Variants in DYRK3 observed in about 807,000 individuals in gnomAD.
DYRK3 encodes dual specificity tyrosine phosphorylation regulated kinase 3.
In DYRK3, 30 loss-of-function variants were observed where a neutral mutation model predicts 40.8. The ratio of observed to expected loss-of-function variants is 0.74; its 90% confidence interval spans 0.55 to 1.00. The LOEUF is 1.00. DYRK3 is among the 50% of genes least tolerant of loss of function. DYRK3 has a pLI of 0.00. For missense variants in DYRK3, 699 were observed against 731.5 expected, an observed-to-expected ratio of 0.96 and a Z score of 0.51; for synonymous variants, 272 against 260.7, an observed-to-expected ratio of 1.04 and a Z score of -0.42.
intron 2 of DYRK3, 131 bp downstream of exon 2, chr1:206,637,892 C>G: frequency 3.3e-6 from 2 of 607,678 alleles, no homozygotes; most frequent in South Asian, 2.5e-5. Flanking sequence ...TTTCTCTTGA[C>G]TTTGGAATAA....
chr1:206,644,139 A>G (rs1032307076), intron 2 of DYRK3, among the ~76,000 whole-genome samples: 14 of 149,312 alleles, frequency 9.4e-5, no homozygotes, highest in Non-Finnish European at 3.0e-5. Context: ...GGTTCAAGCA[A>G]TTCTTCTTCC....
At chr1:206,636,844 A>T (rs1553418417) in intron 1 of DYRK3, 1 of 1,473,372 alleles carries the variant, frequency 6.8e-7, no homozygotes, top group African/African-American at 1.4e-5. Context: ...GGATTAAATA[A>T]ATCCTCTCCG....
chr1:206,637,362 A>C (rs1204272504), intron 1 of DYRK3, among the ~76,000 whole-genome samples: 3 of 152,230 alleles, frequency 2.0e-5, no homozygotes, highest in African/African-American at 7.2e-5. Flanking sequence ...TTCAAGTAGT[A>C]AGTTATTATG....
chr1:206,638,723 C>CA (rs1553418793), intron 2 of DYRK3, among the ~76,000 whole-genome samples: 1 of 151,964 alleles, frequency 6.6e-6, no homozygotes, highest in African/African-American at 2.4e-5. Flanking sequence ...ATCAGATGAA[C>CA]AAACTGAATA....
rs199881009 is a variant in DYRK3, at chr1:206,635,742, G to A, written c.39G>A (p.Ala13=). ...CTCGTGGGCCTGGGCGGAAGGATGC[G>A]GGGCCGCCTGGGGCCGGGCTCCCGC... ...GTARGPGRKD[A]GPPGAGLPPQ... Residue 13 remains alanine, a synonymous_variant, in exon 1 of 3, where the codon GCG becomes GCA. Transcript: ENST00000367109. 3.6e-4 allele frequency: 446 copies of A among 1,245,056 alleles called. 4 individuals are homozygous for A. In the South Asian group the frequency reaches 0.014, roughly 40 times the overall value. 77.1% of individuals were successfully genotyped at this position (1,245,056 alleles called of 1,614,324 possible). A position where few individuals can be genotyped will look rare whatever the true frequency, so the allele number is the denominator to read the frequency against.
In DYRK3 at chr1:206,649,679, C is replaced by A. The variant is rs1671579520; in HGVS notation, c.*714C>A. 6.6e-6 allele frequency among the ~76,000 whole-genome samples: 1 copy of A among 152,236 alleles called. No homozygotes were observed. The highest frequency in any genetic ancestry group is 2.4e-5 in the African/African-American group (1 of 41,456). On this transcript the variant is annotated 3_prime_UTR_variant, in exon 3 of 3. Coordinates refer to ENST00000367109, the MANE Select transcript of DYRK3 (RefSeq NM_003582.4). ...TAAAAACTGAGTCATATGCATCCCT[C>A]CTCCTTTCCTCTCCCATGCCCAAGG...
chr1:206,648,367 T>C lies in DYRK3; in HGVS notation c.1169T>C (p.Ile390Thr), dbSNP rs200249831. 6.2e-7 allele frequency: 1 copy of C among 1,614,108 alleles called. No homozygotes were observed. Among genetic ancestry groups the C allele is most frequent in the East Asian group, 2.2e-5 (1 of 44,874 alleles). ...IILGSRYSTPIDIWSFGCILA... is the reference protein window; with the variant it reads ...IILGSRYSTPTDIWSFGCILA... ...TTAGGAAGCCGCTACAGCACACCAA[T>C]TGACATATGGAGTTTTGGCTGCATC... Residue 390 changes from isoleucine (I) to threonine (T), a missense_variant, in exon 3 of 3, where the codon ATT becomes ACT. Coordinates refer to ENST00000367109, the MANE Select transcript of DYRK3 (RefSeq NM_003582.4).
Position 206,653,699 on chromosome 1 carries a change from G to GA in DYRK3, c.*4743dup, listed in dbSNP as rs1373940905. 3.5e-4 allele frequency among the ~76,000 whole-genome samples: 53 copies of GA among 150,676 alleles called. 1 individual carries two copies. The highest frequency in any genetic ancestry group is 2.1e-3 in the East Asian group (11 of 5,166). On this transcript the variant is annotated 3_prime_UTR_variant, in exon 3 of 3. Transcript: ENST00000367109. ...TAGATACAGTTACCTTGATAATAAT[G>GA]AAAAAAAAATGAATACCACCAAAAC... is the stretch of plus-strand genomic sequence containing the variant.
In DYRK3 at chr1:206,647,966, T is replaced by C; in HGVS notation, c.768T>C (p.Ile256=). The change falls in exon 3 of 3, where the codon ATT becomes ATC. Residue 256 remains isoleucine (I), a synonymous_variant. Transcript: ENST00000367109. The part of the protein sequence containing the change: ...FHRQAAEEIR[I]LEHLKKQDKT... The stretch of plus-strand genomic sequence containing the variant: ...GTCAAGCAGCTGAGGAGATCCGGAT[T>C]TTGGAGCATCTTAAGAAACAGGATA... The C allele has an allele frequency of 6.2e-7, 1 of 1,614,090 alleles. No individual in the cohort carries two copies.
In DYRK3 at chr1:206,652,564, G is replaced by A. The variant is rs1353301926; in HGVS notation, c.*3599G>A. Among the ~76,000 whole-genome samples the A allele has an allele frequency of 2.0e-5, 3 of 152,212 alleles. No individual in the cohort carries two copies. Among genetic ancestry groups the A allele is most frequent in the Admixed American group, 2.0e-4 (3 of 15,274 alleles). On this transcript the variant is annotated 3_prime_UTR_variant, in exon 3 of 3. Coordinates refer to ENST00000367109, the MANE Select transcript of DYRK3 (RefSeq NM_003582.4). ...TTCTGCCTCAATTTGGCAACCGAGA[G>A]AGTGATGCAGAGCAGAGTCATTGAA... is the stretch of plus-strand genomic sequence containing the variant.
intron 2 of DYRK3, among the ~76,000 whole-genome samples, chr1:206,638,370 G>A (rs1208342504): frequency 4.4e-5 from 6 of 137,700 alleles, no homozygotes; most frequent in African/African-American, 1.6e-4. Context: ...TCTGCCTCCC[G>A]GGTTGAAGTG....
At chr1:206,635,948 CCCCT>C in intron 1 of DYRK3, 168 bp downstream of exon 1, 1 of 1,321,064 alleles carries the variant, frequency 7.6e-7, no homozygotes, top group Non-Finnish European at 9.7e-7. Context: ...CTATCAGGGC[CCCCT>C]CCCCCCATCC....
rs782801965 is a variant in DYRK3, at chr1:206,648,527, TAATTC to T, written c.1330_1334del (p.Asn444GlnfsTer26). 3.3e-5 allele frequency: 54 copies of T among 1,614,024 alleles called. No individual in the cohort carries two copies. The highest frequency in any genetic ancestry group is 4.5e-5 in the Non-Finnish European group (53 of 1,180,020). ...AATCCAAACGTGCCAAGTACTTTAT[TAATTC>T]CAAGGGCATACCCCGCTACTGCTCT... is the stretch of plus-strand genomic sequence containing the variant. On this transcript the variant is annotated frameshift_variant, in exon 3 of 3. Coordinates refer to ENST00000367109, the MANE Select transcript of DYRK3 (RefSeq NM_003582.4). LOFTEE classifies it high-confidence loss of function.
intron 2 of DYRK3, among the ~76,000 whole-genome samples, chr1:206,646,044 T>C (rs782118913): frequency 6.6e-6 from 1 of 152,106 alleles, no homozygotes; most frequent in Non-Finnish European, 1.5e-5. Flanking sequence ...GAGACAGAGT[T>C]TCACCATGTT....
intron 1 of DYRK3, 145 bp downstream of exon 1, chr1:206,635,925 C>G: frequency 1.5e-6 from 2 of 1,310,896 alleles, no homozygotes; most frequent in Non-Finnish European, 1.9e-6. Context: ...CCGGGACCGC[C>G]CCCACCTCCT....
At chr1:206,637,029 G>A (rs1243530370) in intron 1 of DYRK3, 4 of 1,279,940 alleles carry the variant, frequency 3.1e-6, no homozygotes, top group African/African-American at 2.9e-5. Context: ...AGTACTTACT[G>A]TATTTTTCTG....
intron 2 of DYRK3, among the ~76,000 whole-genome samples, chr1:206,646,429 T>C (rs1173876707): frequency 6.6e-6 from 1 of 152,132 alleles, no homozygotes; most frequent in Non-Finnish European, 1.5e-5. Context: ...CAGGAGAAGA[T>C]TGTGGAAAAC....
chr1:206,637,917 C>T (rs1239503392), intron 2 of DYRK3, among the ~76,000 whole-genome samples, 156 bp downstream of exon 2: 1 of 152,010 alleles, frequency 6.6e-6, no homozygotes, highest in Non-Finnish European at 1.5e-5. Context: ...GTCTGTGGTC[C>T]AAATTTAGCT....
At position 206,637,562 on chromosome 1, in the gene DYRK3, T is replaced by C. The variant is rs1342729712; in HGVS notation, c.78-88T>C. 15 of 846,080 alleles carry C rather than the reference T, an allele frequency of 1.8e-5. No individual in the cohort carries two copies. The East Asian group carries it at 3.7e-4, about 21-fold the overall frequency. The allele number at this position is 846,080 out of a possible 1,614,324, so 52.4% of individuals were successfully genotyped here. On this transcript the variant is annotated intron_variant, in intron 1 of 2. Coordinates refer to ENST00000367109, the MANE Select transcript of DYRK3 (RefSeq NM_003582.4). ...GTGTAGACATTTATTTCTATTACTGTTCCTTGTAGCAGATATGAAGCAGTT... is the reference window on the plus strand; with the variant it reads ...GTGTAGACATTTATTTCTATTACTGCTCCTTGTAGCAGATATGAAGCAGTT...
Sources: allele counts gnomAD v4.1 joint callset (sites outside exome capture counted in the v4.1 genomes callset), GRCh38; gene constraint gnomAD v4.1.1; transcripts MANE v1.5; gene names NCBI Gene and HGNC (gene_info 2026-07-23, HGNC 2026-07-21).